CPNE7: variants seen among roughly 807,000 people sequenced by gnomAD.
The protein encoded by CPNE7 is copine-7.
A neutral mutation model predicts 66.5 loss-of-function variants in CPNE7; 78 were observed. That is an observed-to-expected ratio of 1.17 (90% CI 0.98 to 1.42). CPNE7 has a LOEUF of 1.42. Among genes scored for constraint, CPNE7 ranks in the 40% most tolerant of loss-of-function variants. The pLI, the probability that CPNE7 is intolerant of heterozygous loss-of-function variation, is 0.00. For synonymous variants in CPNE7, 468 were observed against 336.7 expected (o/e 1.39, Z -4.27); for missense variants, 1,012 against 776.6 (o/e 1.30, Z -3.60).
At position 89,585,777 on chromosome 16, in the gene CPNE7, G is replaced by T; in HGVS notation, c.772G>T (p.Glu258Ter). 3 of 1,536,626 alleles carry T rather than the reference G, an allele frequency of 2.0e-6. No homozygotes were observed. The highest frequency in any genetic ancestry group is 2.6e-6 in the Non-Finnish European group (3 of 1,142,410). ...CGAGGAGATGCAGAAGGCCTTTGAG[G>T]AGGGGCAGGTGAGCAGGACGGGGTA... Reference protein sequence around the residue: ...TFEEMQKAFEEGQAQWDCVNP... With the variant: ...TFEEMQKAFE Residue 258 changes from glutamate to a stop codon, truncating the protein, a stop_gained, in exon 7 of 15, where the codon GAG becomes TAG. Transcript: ENST00000319518. LOFTEE classifies it high-confidence loss of function.
rs28715056 is a variant in CPNE7, at chr16:89,587,264, T to A, written c.927+162T>A. Among the ~76,000 whole-genome samples the A allele has an allele frequency of 2.4e-3, 2 of 826 alleles. 1 individual carries two copies. Among genetic ancestry groups the A allele is most frequent in the Non-Finnish European group, 7.5e-3 (2 of 268 alleles). The allele number at this position is 826 out of a possible 152,430, so 0.5% of individuals were successfully genotyped here. A position where few individuals can be genotyped will look rare whatever the true frequency, so the allele number is the denominator to read the frequency against. ...CCCCGCCCCTCCCGCCCCCTCAGTC[T>A]GTGGCCCCGCCCATCCCCGCCCCCT... On this transcript the variant is annotated intron_variant, in intron 9 of 14. Coordinates refer to ENST00000319518, the MANE Select transcript of CPNE7 (RefSeq NM_153636.3).
In CPNE7 at chr16:89,583,761, C is replaced by G. The variant is rs1388859553; in HGVS notation, c.422C>G (p.Ser141Cys). 1 of 1,612,606 alleles carries G rather than the reference C, an allele frequency of 6.2e-7. No homozygotes were observed. Among genetic ancestry groups the G allele is most frequent in the African/African-American group, 1.3e-5 (1 of 74,936 alleles). Reference protein sequence around the residue: ...LLKFGRNAGKSTITVIAEDIS... With the variant: ...LLKFGRNAGKCTITVIAEDIS... The stretch of plus-strand genomic sequence containing the variant: ...AAGTTTGGCAGGAACGCTGGCAAGT[C>G]CACCATCACGGTGAGACCCGGGCGC... The change falls in exon 3 of 15, where the codon TCC (serine) becomes TGC (cysteine). Residue 141 changes from serine (S) to cysteine (C), a missense_variant. Ser to Cys is a moderately radical substitution (Grantham distance 112, BLOSUM62 -1). Transcript: ENST00000319518.
intron 13 of CPNE7, among the ~76,000 whole-genome samples, chr16:89,593,879 C>A (rs1241423025): frequency 6.6e-6 from 1 of 152,200 alleles, no homozygotes; most frequent in Non-Finnish European, 1.5e-5. Context: ...TGTTATGTTC[C>A]TGTGTGGCTG....
At chr16:89,588,859 A>T (rs377474214) in intron 10 of CPNE7, 51 bp downstream of exon 10, 2 of 1,602,824 alleles carry the variant, frequency 1.2e-6, no homozygotes, top group Non-Finnish European at 1.7e-6. Flanking sequence ...CAGCTATGAC[A>T]GGTGCGCCTG....
intron 8 of CPNE7, 27 bp from the exon 9 acceptor site, chr16:89,587,016 G>T (rs775259661): frequency 1.3e-6 from 2 of 1,568,414 alleles, no homozygotes; most frequent in East Asian, 2.4e-5. Flanking sequence ...CCTGGCGGGG[G>T]TGGACGCTGA....
At chr16:89,582,612 G>A (rs749072563) in intron 2 of CPNE7, among the ~76,000 whole-genome samples, 9 of 152,242 alleles carry the variant, frequency 5.9e-5, no homozygotes, top group Non-Finnish European at 1.2e-4. Context: ...GCACCCCTAA[G>A]AGAGCCTTCC....
At chr16:89,590,018 G>T (rs895714378) in intron 11 of CPNE7, 67 bp downstream of exon 11, 1 of 1,576,354 alleles carries the variant, frequency 6.3e-7, no homozygotes, top group African/African-American at 1.3e-5. Context: ...GCAGAGGACG[G>T]CCTGGCCCAG....
At chr16:89,596,311 C>T (rs1381126129) in intron 14 of CPNE7, among the ~76,000 whole-genome samples, 173 bp from the exon 15 acceptor site, 3 of 152,370 alleles carry the variant, frequency 2.0e-5, no homozygotes, top group East Asian at 3.9e-4. Context: ...CGTGCAGCCT[C>T]ATGTGGCCGA....
chr16:89,587,864 AT>A, intron 9 of CPNE7: 1 of 52,254 alleles, frequency 1.9e-5, no homozygotes, highest in African/African-American at 8.5e-5. Context: ...TTACCCACAG[AT>A]ACACGGCCCC....
chr16:89,577,614 G>A lies in CPNE7; in HGVS notation c.250G>A (p.Glu84Lys), dbSNP rs761301695. The change falls in exon 2 of 15, where the codon GAG (glutamate) becomes AAG (lysine). Residue 84 changes from glutamate (E) to lysine (K), a missense_variant. Transcript: ENST00000319518. Reference sequence around the variant, plus strand: ...GGTCTTCACGGTGGACTACTACTTCGAGGAGGTGCAGAGGCTGCGCTTTGA... The same window carrying A: ...GGTCTTCACGGTGGACTACTACTTCAAGGAGGTGCAGAGGCTGCGCTTTGA... Reference protein sequence around the residue: ...SKVFTVDYYFEEVQRLRFEVY... With the variant: ...SKVFTVDYYFKEVQRLRFEVY... The A allele has an allele frequency of 1.7e-5, 27 of 1,566,812 alleles. No homozygotes were observed. The highest frequency in any genetic ancestry group is 2.7e-5 in the African/African-American group (2 of 74,062).
Position 89,586,772 on chromosome 16 carries a change from G to A in CPNE7, c.867+16G>A. The A allele has an allele frequency of 6.2e-7, 1 of 1,606,410 alleles. No homozygotes were observed. The highest frequency in any genetic ancestry group is 8.5e-7 in the Non-Finnish European group (1 of 1,173,914). On this transcript the variant is annotated intron_variant, in intron 8 of 14. Coordinates refer to ENST00000319518, the MANE Select transcript of CPNE7 (RefSeq NM_153636.3). The stretch of plus-strand genomic sequence containing the variant: ...TGACCTCAAGGTGAGAGGTGGCTGT[G>A]CCCGAAGCCTCCCCACCCACAAGAG...
In CPNE7 at chr16:89,585,802, AG is replaced by A. The variant is rs111488481; in HGVS notation, c.780+22del. On this transcript the variant is annotated intron_variant, in intron 7 of 14. Transcript: ENST00000319518. ...GAGGGGCAGGTGAGCAGGACGGGGT[AG>A]GGGGTCCTCCAGGGAGGGTCAGGTG... The A allele has an allele frequency of 1.9e-5, 13 of 673,008 alleles. No homozygotes were observed. Among genetic ancestry groups the A allele is most frequent in the Non-Finnish European group, 2.6e-5 (13 of 491,472 alleles). 41.7% of individuals were successfully genotyped at this position (673,008 alleles called of 1,614,324 possible). A position where few individuals can be genotyped will look rare whatever the true frequency, so the allele number is the denominator to read the frequency against.
At chr16:89,587,162 C>G (rs1597706686) in intron 9 of CPNE7, 60 bp downstream of exon 9, 11 of 929,976 alleles carry the variant, frequency 1.2e-5, no homozygotes, top group South Asian at 3.2e-5. Context: ...CCCGCCCCGC[C>G]CCCTCAGTCC....
Position 89,596,468 on chromosome 16 carries a change from T to A in CPNE7, c.1540-16T>A. Reference sequence around the variant, plus strand: ...CTCGAAGGTCCCAGAGGTAACTGCGTTGTCCCATCCTCCAGGCATCCCCTG... The same window carrying A: ...CTCGAAGGTCCCAGAGGTAACTGCGATGTCCCATCCTCCAGGCATCCCCTG... On this transcript the variant is annotated splice_polypyrimidine_tract_variant and intron_variant, in intron 14 of 14. Transcript: ENST00000319518. 6.2e-7 allele frequency: 1 copy of A among 1,600,516 alleles called. No homozygotes were observed. The highest frequency in any genetic ancestry group is 8.5e-7 in the Non-Finnish European group (1 of 1,176,134).
At position 89,583,778 on chromosome 16, in the gene CPNE7, C is replaced by A; in HGVS notation, c.432+7C>A. The A allele has an allele frequency of 1.9e-6, 3 of 1,612,424 alleles. No individual in the cohort carries two copies. Among genetic ancestry groups the A allele is most frequent in the Non-Finnish European group, 2.5e-6 (3 of 1,179,796 alleles). On this transcript the variant is annotated splice_region_variant and intron_variant, in intron 3 of 14. Transcript: ENST00000319518. ...TGGCAAGTCCACCATCACGGTGAGA[C>A]CCGGGCGCACCCCTGCAGCCTGCAG...
In CPNE7 at chr16:89,584,328, T is replaced by C. The variant is rs1316479765; in HGVS notation, c.507+226T>C. 1.3e-5 allele frequency among the ~76,000 whole-genome samples: 2 copies of C among 152,158 alleles called. No individual in the cohort carries two copies. Among genetic ancestry groups the C allele is most frequent in the African/African-American group, 2.4e-5 (1 of 41,442 alleles). On this transcript the variant is annotated intron_variant, in intron 4 of 14. Coordinates refer to ENST00000319518, the MANE Select transcript of CPNE7 (RefSeq NM_153636.3). This position sits in a 1 kb window ranked among gnomAD's most constrained non-coding sequence, Gnocchi z 6.0. Reference sequence around the variant, plus strand: ...CTGGGCTGGGGCTGGGGCAGCTCCCTCCTGTGGGGACCACTCATGACCCTG... The same window carrying C: ...CTGGGCTGGGGCTGGGGCAGCTCCCCCCTGTGGGGACCACTCATGACCCTG...
At chr16:89,594,504 T>C (rs972639615) in intron 13 of CPNE7, among the ~76,000 whole-genome samples, 1 of 152,100 alleles carries the variant, frequency 6.6e-6, no homozygotes, top group African/African-American at 2.4e-5. Context: ...CAGGGGAGGC[T>C]GCTGTGGGCT....
chr16:89,595,631 G>A, intron 14 of CPNE7, 28 bp downstream of exon 14: 1 of 1,570,318 alleles, frequency 6.4e-7, no homozygotes, highest in Non-Finnish European at 8.7e-7. Context: ...GCTCCGTCAA[G>A]GCCGGCTTGG....
chr16:89,595,460 T>C lies in CPNE7; in HGVS notation c.1396T>C (p.Ser466Pro). The change falls in exon 14 of 15, where the codon TCC becomes CCC. Residue 466 changes from serine to proline, a missense_variant. Transcript: ENST00000319518. ...TGTGCGTGCCTCACGCCTGCCCATGTCCATCATCATCGTGGGCGTGGGCAA... is the reference window on the plus strand; with the variant it reads ...TGTGCGTGCCTCACGCCTGCCCATGCCCATCATCATCGTGGGCGTGGGCAA... ...AIVRASRLPM[S>P]IIIVGVGNAD... 1 of 1,612,384 alleles carries C rather than the reference T, an allele frequency of 6.2e-7. No individual in the cohort carries two copies. The highest frequency in any genetic ancestry group is 1.1e-5 in the South Asian group (1 of 91,022).
Sources: gnomAD v4.1 joint callset for allele counts (sites outside exome capture counted in the v4.1 genomes callset) on GRCh38, gnomAD v4.1.1 for gene constraint, Gnocchi (gnomAD v3.1) non-coding constraint, MANE v1.5 for transcripts, NCBI Gene and HGNC (gene_info 2026-07-23, HGNC 2026-07-21) for gene names.